The following TLE1 variants were observed in gnomAD, a reference collection of about 807,000 sequenced individuals.
The protein encoded by TLE1 is transducin-like enhancer protein 1.
TLE1 carries 21 observed loss-of-function variants against 89.8 expected under a neutral mutation model. The observed-to-expected ratio is 0.23, with a 90% CI of 0.17 to 0.34. The LOEUF (loss-of-function observed/expected upper bound fraction) is 0.34, where lower values mean the gene tolerates loss of function less well. Ranked by LOEUF, TLE1 falls within the 10% of genes least tolerant of loss-of-function variation. TLE1 has a pLI of 1.00. For missense variants in TLE1, 795 were observed against 1,031.2 expected (o/e 0.77, Z 3.14); for synonymous variants, 447 against 407.6 (o/e 1.10, Z -1.16).
intron 4 of TLE1, among the ~76,000 whole-genome samples, chr9:81,673,283 A>AC (rs1172170135): frequency 1.3e-5 from 2 of 151,288 alleles, no homozygotes; most frequent in Non-Finnish European, 2.9e-5. Context: ...AAAAAAAAAA[A>AC]AAAAAAAAAA....
chr9:81,643,012 G>A (rs1006021432), intron 6 of TLE1, among the ~76,000 whole-genome samples: 1 of 152,172 alleles, frequency 6.6e-6, no homozygotes, highest in Non-Finnish European at 1.5e-5. Context: ...TCCTTTCTAT[G>A]TGGAATCTAA....
chr9:81,600,246 C>T (rs1358687713), intron 14 of TLE1: 1 of 578,212 alleles, frequency 1.7e-6, no homozygotes. Flanking sequence ...CAGACAAAAA[C>T]GAGCATTATC....
chr9:81,639,768 G>C (rs145205668), intron 6 of TLE1, among the ~76,000 whole-genome samples: 1 of 149,554 alleles, frequency 6.7e-6, no homozygotes, highest in Non-Finnish European at 1.5e-5. Flanking sequence ...ATTTTTAGTA[G>C]AGATGGGGTT....
intron 11 of TLE1, among the ~76,000 whole-genome samples, chr9:81,615,747 A>AGGC (rs1380169104): frequency 1.3e-5 from 2 of 151,560 alleles, no homozygotes; most frequent in East Asian, 3.9e-4. Context: ...AAGAAGAAGA[A>AGGC]GGCAATGAAC....
intron 18 of TLE1, 105 bp from the exon 19 acceptor site, chr9:81,584,629 T>G (rs1443946293): frequency 3.0e-6 from 3 of 996,204 alleles, no homozygotes; most frequent in African/African-American, 3.2e-5. Context: ...ATATATGAAC[T>G]ATCATGCCCT....
chr9:81,598,569 A>G (rs1830516631), intron 14 of TLE1, among the ~76,000 whole-genome samples: 1 of 152,146 alleles, frequency 6.6e-6, no homozygotes, highest in Non-Finnish European at 1.5e-5. Flanking sequence ...ACTGTTACCT[A>G]ATCACTTATA....
Position 81,689,277 on chromosome 9 carries a change from C to G in TLE1, c.-1037G>C, listed in dbSNP as rs1180749611. The stretch of plus-strand genomic sequence containing the variant: ...GGGAAAACAGCAGGAGTGCGCTCCG[C>G]CAATCGGCCACCCTCCCCGGCGGGC... On this transcript the variant is annotated 5_prime_UTR_variant, in exon 1 of 20. Transcript: ENST00000376499. 1 of 152,396 alleles carries G rather than the reference C, an allele frequency of 6.6e-6. No individual in the cohort carries two copies. Among genetic ancestry groups the G allele is most frequent in the Non-Finnish European group, 1.5e-5 (1 of 68,174 alleles). 9.4% of individuals were successfully genotyped at this position (152,396 alleles called of 1,614,324 possible). A position where few individuals can be genotyped will look rare whatever the true frequency, so the allele number is the denominator to read the frequency against.
intron 6 of TLE1, among the ~76,000 whole-genome samples, chr9:81,651,727 G>T (rs2132620290): frequency 6.6e-6 from 1 of 152,248 alleles, no homozygotes; most frequent in East Asian, 1.9e-4. Context: ...CAGAAGTGAG[G>T]AAAGTATTTA....
At chr9:81,592,170 A>T (rs889860996) in intron 15 of TLE1, among the ~76,000 whole-genome samples, 72 of 152,284 alleles carry the variant, frequency 4.7e-4, no homozygotes, top group African/African-American at 1.7e-3. Flanking sequence ...CATTCTGGCT[A>T]ACATGGTGAA....
intron 6 of TLE1, among the ~76,000 whole-genome samples, chr9:81,635,203 TTG>T (rs1161613443): frequency 2.0e-5 from 3 of 152,076 alleles, no homozygotes; most frequent in African/African-American, 7.2e-5. Context: ...AAACGAAACT[TTG>T]TTTATCCTTT....
intron 17 of TLE1, 77 bp downstream of exon 17, chr9:81,587,604 G>C: frequency 6.7e-7 from 1 of 1,487,260 alleles, no homozygotes; most frequent in Non-Finnish European, 8.9e-7. Context: ...CTAGGGTAAA[G>C]GAGGGAGGGT....
chr9:81,643,701 A>AT (rs1290413263), intron 6 of TLE1, among the ~76,000 whole-genome samples: 1 of 151,458 alleles, frequency 6.6e-6, no homozygotes, highest in Non-Finnish European at 1.5e-5. Context: ...CACTCAGCTA[A>AT]TTTTTTTGAT....
chr9:81,676,923 T>C (rs1178608124), intron 4 of TLE1, among the ~76,000 whole-genome samples: 1 of 152,226 alleles, frequency 6.6e-6, no homozygotes, highest in Non-Finnish European at 1.5e-5. Flanking sequence ...AACAGTGTAA[T>C]ACAACAATGT....
In TLE1 at chr9:81,661,206, T is replaced by A. The variant is rs35473150; in HGVS notation, c.235-7170A>T. Among the ~76,000 whole-genome samples the A allele has an allele frequency of 2.7e-3, 372 of 136,386 alleles. 2 individuals are homozygous for A. The highest frequency in any genetic ancestry group is 4.6e-3 in the East Asian group (22 of 4,830). The allele number at this position is 136,386 out of a possible 152,430, so 89.5% of individuals were successfully genotyped here. A position where few individuals can be genotyped will look rare whatever the true frequency, so the allele number is the denominator to read the frequency against. On this transcript the variant is annotated intron_variant, in intron 4 of 19. Transcript: ENST00000376499. ...TGTATTTTTATATATATATGTATTT[T>A]TATATATATATATATCTTTTTTTCA...
intron 13 of TLE1, 125 bp from the exon 14 acceptor site, chr9:81,610,421 T>C: frequency 4.2e-6 from 3 of 716,082 alleles, no homozygotes; most frequent in Non-Finnish European, 7.0e-6. Flanking sequence ...TAACATGGCC[T>C]AGTGTTTTTC....
At position 81,633,184 on chromosome 9, in the gene TLE1, T is replaced by C. The variant is rs141453237; in HGVS notation, c.594+164A>G. On this transcript the variant is annotated intron_variant, in intron 8 of 19. Transcript: ENST00000376499. Reference sequence around the variant, plus strand: ...AACAGTCATATAAGAAAAAGAAATTTTAAAGGAAAAAAAGTAAAAGAAAAA... The same window carrying C: ...AACAGTCATATAAGAAAAAGAAATTCTAAAGGAAAAAAAGTAAAAGAAAAA... Among the ~76,000 whole-genome samples, 529 of 151,948 alleles carry C rather than the reference T, an allele frequency of 3.5e-3. 2 individuals are homozygous for C. The highest frequency in any genetic ancestry group is 0.011 in the African/African-American group (475 of 41,426).
chr9:81,656,366 C>T (rs1419047163), intron 4 of TLE1, among the ~76,000 whole-genome samples: 1 of 152,194 alleles, frequency 6.6e-6, no homozygotes, highest in Non-Finnish European at 1.5e-5. Flanking sequence ...GCTCCCAACT[C>T]CCTACCTACC....
chr9:81,585,627 C>G lies in TLE1; in HGVS notation c.2006G>C (p.Gly669Ala). ...QIFSLGYCPTGEWLAVGMESS... is the reference protein window; with the variant it reads ...QIFSLGYCPTAEWLAVGMESS... ...CTCCATGCCCACTGCCAGCCACTCC[C>G]CGGTGGGGCAGTACCCCAGGGAGAA... Residue 669 changes from glycine (G) to alanine (A), a missense_variant, in exon 18 of 20, where the codon GGG (glycine) becomes GCG (alanine). By Grantham distance (60) the Gly-to-Ala change is moderately conservative. This residue lies in a region of TLE1 where 214 missense variants were observed against 354.9 expected (regional missense o/e 0.60). Transcript: ENST00000376499. 2 of 1,614,034 alleles carry G rather than the reference C, an allele frequency of 1.2e-6. No homozygotes were observed. The highest frequency in any genetic ancestry group is 1.7e-6 in the Non-Finnish European group (2 of 1,180,012).
At chr9:81,648,713 A>G (rs7037934) in intron 6 of TLE1, among the ~76,000 whole-genome samples, 7,730 of 152,280 alleles carry the variant, frequency 0.051, 668 homozygotes, top group African/African-American at 0.18. Flanking sequence ...CTTTCAATCA[A>G]TTATCCCTGC....
Sources: allele counts gnomAD v4.1 joint callset (sites outside exome capture counted in the v4.1 genomes callset), GRCh38; gene constraint gnomAD v4.1.1; regional missense constraint gnomAD v4.1.1; transcripts MANE v1.5; gene names NCBI Gene and HGNC (gene_info 2026-07-23, HGNC 2026-07-21).